The following GABRG3 variants were observed in gnomAD, a reference collection of about 807,000 sequenced individuals.
GABRG3 encodes the protein gamma-aminobutyric acid type A receptor subunit gamma3, also known as gamma-aminobutyric acid receptor subunit gamma-3.
GABRG3 carries 25 observed loss-of-function variants against 48.8 expected under a neutral mutation model. The ratio of observed to expected loss-of-function variants is 0.51; its 90% confidence interval spans 0.37 to 0.72. The LOEUF (loss-of-function observed/expected upper bound fraction) is 0.72. Ranked by LOEUF, GABRG3 falls within the 30% of genes least tolerant of loss-of-function variation. The pLI, the probability that GABRG3 is intolerant of heterozygous loss-of-function variation, is 0.00. For missense variants in GABRG3, 394 were observed against 577.9 expected, an observed-to-expected ratio of 0.68 and a Z score of 3.26; for synonymous variants, 227 against 217.6, an observed-to-expected ratio of 1.04 and a Z score of -0.38.
intron 6 of GABRG3, among the ~76,000 whole-genome samples, chr15:27,496,027 T>G (rs1225186159): frequency 6.6e-6 from 1 of 152,198 alleles, no homozygotes; most frequent in Non-Finnish European, 1.5e-5. Flanking sequence ...GGTTACCTAC[T>G]TGGCCTTCAG....
chr15:27,267,563 C>T (rs1024152360), intron 3 of GABRG3, among the ~76,000 whole-genome samples: 13 of 151,992 alleles, frequency 8.6e-5, no homozygotes, highest in African/African-American at 2.2e-4. Flanking sequence ...CATCAGCCTC[C>T]CAAGCAGCTG....
At chr15:27,400,360 G>A (rs1482693935) in intron 5 of GABRG3, among the ~76,000 whole-genome samples, 1 of 152,032 alleles carries the variant, frequency 6.6e-6, no homozygotes, top group East Asian at 1.9e-4. Context: ...CCATGCTTTA[G>A]CAAAGCACTT....
intron 3 of GABRG3, among the ~76,000 whole-genome samples, chr15:27,209,748 C>T (rs1432143844): frequency 6.6e-6 from 1 of 152,232 alleles, no homozygotes; most frequent in East Asian, 1.9e-4. Flanking sequence ...AAGAGAATGC[C>T]ACAGACTGGG....
At chr15:27,187,006 T>C (rs1308729684) in intron 3 of GABRG3, among the ~76,000 whole-genome samples, 1 of 152,154 alleles carries the variant, frequency 6.6e-6, no homozygotes. Context: ...CAACTGATAT[T>C]GAGAAGGGCA....
At chr15:27,330,165 A>G (rs558468648) in intron 5 of GABRG3, among the ~76,000 whole-genome samples, 47 of 152,160 alleles carry the variant, frequency 3.1e-4, no homozygotes, top group Non-Finnish European at 6.0e-4. Context: ...GCTTGAACCC[A>G]GGAAGCAGAG....
intron 3 of GABRG3, among the ~76,000 whole-genome samples, chr15:27,124,277 CG>C (rs1417985744): frequency 6.6e-6 from 1 of 152,140 alleles, no homozygotes; most frequent in Non-Finnish European, 1.5e-5. Flanking sequence ...TAAGAAATTC[CG>C]TTTACCACAT....
chr15:27,008,570 A>G (rs1445638049), intron 2 of GABRG3, among the ~76,000 whole-genome samples: 1 of 152,120 alleles, frequency 6.6e-6, no homozygotes, highest in Non-Finnish European at 1.5e-5. Flanking sequence ...CCATAAATAA[A>G]ACTAATTAAT....
chr15:27,237,947 C>A (rs553254022), intron 3 of GABRG3, among the ~76,000 whole-genome samples: 4 of 152,144 alleles, frequency 2.6e-5, no homozygotes, highest in African/African-American at 4.8e-5. Context: ...ACTCTGCATG[C>A]CCTCTTGAAC....
At chr15:27,422,821 T>G (rs1286928956) in intron 5 of GABRG3, among the ~76,000 whole-genome samples, 1 of 152,262 alleles carries the variant, frequency 6.6e-6, no homozygotes, top group African/African-American at 2.4e-5. Flanking sequence ...GCTGATTCAC[T>G]AGGAGAACTC....
At chr15:27,121,096 T>C (rs1424810737) in intron 3 of GABRG3, among the ~76,000 whole-genome samples, 1 of 152,184 alleles carries the variant, frequency 6.6e-6, no homozygotes, top group Non-Finnish European at 1.5e-5. Context: ...CTAGCAAAAT[T>C]CTTTTAGACA....
chr15:27,147,137 A>G (rs1167741632), intron 3 of GABRG3, among the ~76,000 whole-genome samples: 11 of 152,048 alleles, frequency 7.2e-5, no homozygotes, highest in Admixed American at 5.2e-4. Flanking sequence ...TGGGGTTGCT[A>G]TATTAATCTT....
chr15:27,004,460 C>T (rs988027875), intron 2 of GABRG3, among the ~76,000 whole-genome samples: 4 of 151,016 alleles, frequency 2.6e-5, no homozygotes, highest in Admixed American at 6.6e-5. Context: ...CCCCACTTTC[C>T]GGACTGGGCA....
intron 3 of GABRG3, among the ~76,000 whole-genome samples, chr15:27,210,679 A>G (rs934138235): frequency 4.6e-5 from 7 of 152,204 alleles, no homozygotes; most frequent in East Asian, 1.9e-4. Context: ...ATGTTTAAAC[A>G]CTGCCATTTT....
At chr15:27,086,664 G>C (rs1161910449) in intron 3 of GABRG3, among the ~76,000 whole-genome samples, 1 of 152,084 alleles carries the variant, frequency 6.6e-6, no homozygotes, top group Non-Finnish European at 1.5e-5. Flanking sequence ...TTTTCAATGG[G>C]CGGTTTATTT....
chr15:27,244,062 G>A (rs1024959704), intron 3 of GABRG3, among the ~76,000 whole-genome samples: 2 of 152,180 alleles, frequency 1.3e-5, no homozygotes, highest in African/African-American at 2.4e-5. Context: ...TAGCCTGCTT[G>A]GAGATGAAGA....
intron 2 of GABRG3, among the ~76,000 whole-genome samples, chr15:27,019,000 G>C (rs1895831186): frequency 7.0e-6 from 1 of 143,098 alleles, no homozygotes; most frequent in South Asian, 2.3e-4. Context: ...CGATAATCAT[G>C]ATGATGATGG....
chr15:27,197,122 T>A (rs899506773), intron 3 of GABRG3, among the ~76,000 whole-genome samples: 2 of 152,186 alleles, frequency 1.3e-5, no homozygotes, highest in Non-Finnish European at 2.9e-5. Flanking sequence ...TATGCTGATT[T>A]GAATTGTGAT....
intron 5 of GABRG3, among the ~76,000 whole-genome samples, chr15:27,355,948 G>A (rs1894822735): frequency 6.6e-6 from 1 of 152,134 alleles, no homozygotes; most frequent in South Asian, 2.1e-4. Context: ...GTGAATGCCG[G>A]GGGTTGGGAT....
At chr15:27,420,059 T>C (rs1297446220) in intron 5 of GABRG3, among the ~76,000 whole-genome samples, 1 of 152,208 alleles carries the variant, frequency 6.6e-6, no homozygotes, top group Non-Finnish European at 1.5e-5. Flanking sequence ...AGGGTTGTTT[T>C]CTTTCCTTGA....
Sources: allele counts gnomAD v4.1 joint callset (sites outside exome capture counted in the v4.1 genomes callset), GRCh38; gene constraint gnomAD v4.1.1; transcripts MANE v1.5; gene names NCBI Gene and HGNC (gene_info 2026-07-23, HGNC 2026-07-21).